Variants in CBLB observed in about 807,000 individuals in gnomAD.
The protein encoded by CBLB is Cbl proto-oncogene B.
Under a neutral mutation model 104.9 loss-of-function variants are expected in CBLB, and 31 were observed. The ratio of observed to expected loss-of-function variants is 0.30; its 90% confidence interval spans 0.22 to 0.40. CBLB has a LOEUF of 0.40. Ranked by LOEUF, CBLB falls within the 10% of genes least tolerant of loss-of-function variation. CBLB has a pLI of 1.00. For synonymous variants in CBLB, 440 were observed against 422.6 expected (o/e 1.04, Z -0.51); for missense variants, 1,062 against 1,214.6 (o/e 0.87, Z 1.87).
chr3:105,662,343 A>G (rs2063869493), intron 18 of CBLB, among the ~76,000 whole-genome samples: 2 of 152,324 alleles, frequency 1.3e-5, no homozygotes, highest in South Asian at 4.1e-4. Flanking sequence ...TAAGATTATT[A>G]TATTGCAGTT....
At chr3:105,780,969 CATTTTAAAATACCAAAT>C (rs999262502) in intron 3 of CBLB, among the ~76,000 whole-genome samples, 1 of 151,914 alleles carries the variant, frequency 6.6e-6, no homozygotes, top group African/African-American at 2.4e-5. Context: ...CCAATAAAAG[CATTTTAAAATACCAAAT>C]ATTTTAAAAT....
intron 4 of CBLB, among the ~76,000 whole-genome samples, chr3:105,766,082 T>C (rs1192025369): frequency 6.6e-6 from 1 of 152,142 alleles, no homozygotes; most frequent in Admixed American, 6.6e-5. Flanking sequence ...ATTCCAAATC[T>C]CATGGATGAC....
chr3:105,841,460 A>G (rs2089533466), intron 3 of CBLB, among the ~76,000 whole-genome samples: 1 of 151,620 alleles, frequency 6.6e-6, no homozygotes. Context: ...CAAGATATAT[A>G]TATATTTTTT....
intron 10 of CBLB, among the ~76,000 whole-genome samples, chr3:105,716,548 T>C (rs901698326): frequency 6.6e-6 from 1 of 152,202 alleles, no homozygotes; most frequent in Admixed American, 6.5e-5. Context: ...ATTATGCTTG[T>C]ATCTATATAA....
intron 3 of CBLB, among the ~76,000 whole-genome samples, chr3:105,851,256 T>C (rs2090908506): frequency 6.6e-6 from 1 of 152,070 alleles, no homozygotes; most frequent in South Asian, 2.1e-4. Context: ...AAAATGCAAA[T>C]TGTTAGGTGA....
chr3:105,797,854 C>T (rs1033093929), intron 3 of CBLB, among the ~76,000 whole-genome samples: 1 of 152,164 alleles, frequency 6.6e-6, no homozygotes, highest in African/African-American at 2.4e-5. Flanking sequence ...TTCTGCCCAT[C>T]AAAGTAGAAA....
At position 105,829,324 on chromosome 3, in the gene CBLB, T is replaced by C. The variant is rs190637952; in HGVS notation, c.419+24090A>G. Among the ~76,000 whole-genome samples the C allele has an allele frequency of 2.0e-3, 303 of 152,222 alleles. 2 individuals carry two copies. Among genetic ancestry groups the C allele is most frequent in the African/African-American group, 7.1e-3 (294 of 41,540 alleles). On this transcript the variant is annotated intron_variant, in intron 3 of 18. Coordinates refer to ENST00000394030, the MANE Select transcript of CBLB (RefSeq NM_170662.5). Reference sequence around the variant, plus strand: ...CTGTTTGTCTTTCCATAAAGATGTTTTGTCACAGTAAAGGCAAGAAGATCA... The same window carrying C: ...CTGTTTGTCTTTCCATAAAGATGTTCTGTCACAGTAAAGGCAAGAAGATCA...
intron 17 of CBLB, among the ~76,000 whole-genome samples, chr3:105,677,841 T>C (rs2065845326): frequency 1.3e-5 from 2 of 149,690 alleles, no homozygotes; most frequent in Non-Finnish European, 3.0e-5. Context: ...AATAATAATA[T>C]TAAATAGTTA....
chr3:105,712,031 T>C (rs922411436), intron 10 of CBLB, among the ~76,000 whole-genome samples: 2 of 152,124 alleles, frequency 1.3e-5, no homozygotes, highest in African/African-American at 2.4e-5. Context: ...TAGTGCAGTC[T>C]CACACTTGGG....
intron 6 of CBLB, among the ~76,000 whole-genome samples, chr3:105,745,297 A>T (rs1189301363): frequency 1.3e-5 from 2 of 152,216 alleles, no homozygotes; most frequent in Non-Finnish European, 2.9e-5. Flanking sequence ...AATAAGGTGT[A>T]ATTTCTTGGC....
intron 9 of CBLB, among the ~76,000 whole-genome samples, chr3:105,722,336 AT>A (rs1360905741): frequency 6.6e-6 from 1 of 152,182 alleles, no homozygotes; most frequent in African/African-American, 2.4e-5. Context: ...ATTTAAAAAA[AT>A]TATTATAGAA....
At chr3:105,834,631 G>C (rs369335720) in intron 3 of CBLB, among the ~76,000 whole-genome samples, 2 of 149,370 alleles carry the variant, frequency 1.3e-5, no homozygotes, top group East Asian at 4.0e-4. Flanking sequence ...ACTCCAGCCT[G>C]AGCGACAGAG....
At chr3:105,771,238 T>C (rs1233511107) in intron 4 of CBLB, among the ~76,000 whole-genome samples, 1 of 152,072 alleles carries the variant, frequency 6.6e-6, no homozygotes, top group Admixed American at 6.6e-5. Flanking sequence ...GTTTAACATA[T>C]GTAAGTTAAT....
chr3:105,771,691 G>A (rs1038219536), intron 4 of CBLB, among the ~76,000 whole-genome samples: 3 of 152,050 alleles, frequency 2.0e-5, no homozygotes, highest in Admixed American at 6.6e-5. Flanking sequence ...TAAAGTCTCT[G>A]GACACAAAAT....
rs1035655845 is a variant in CBLB, at chr3:105,677,343, A to T, written c.2569+1088T>A. On this transcript the variant is annotated intron_variant, in intron 17 of 18. Transcript: ENST00000394030. ...TCTCTTCAAACTTTCTAAACTATCA[A>T]ACCAAGTAAAAAAAAAAAAAAAAAA... is the stretch of plus-strand genomic sequence containing the variant. Among the ~76,000 whole-genome samples, 5 of 145,558 alleles carry T rather than the reference A, an allele frequency of 3.4e-5. No individual in the cohort carries two copies. The East Asian group carries it at 1.1e-3, about 33-fold the overall frequency.
At chr3:105,745,472 T>C (rs1006706571) in intron 6 of CBLB, among the ~76,000 whole-genome samples, 4 of 152,242 alleles carry the variant, frequency 2.6e-5, no homozygotes, top group Admixed American at 1.3e-4. Context: ...TATATGCTTA[T>C]GTACATACAT....
chr3:105,830,564 C>T (rs952680072), intron 3 of CBLB, among the ~76,000 whole-genome samples: 3 of 152,096 alleles, frequency 2.0e-5, no homozygotes, highest in African/African-American at 7.2e-5. Context: ...TCTTAAAAGA[C>T]CAATTTCTGT....
At chr3:105,736,115 C>A (rs1274466657) in intron 8 of CBLB, among the ~76,000 whole-genome samples, 4 of 152,074 alleles carry the variant, frequency 2.6e-5, no homozygotes, top group Non-Finnish European at 4.4e-5. Flanking sequence ...TAATTCTTCT[C>A]TTGTTTTTTC....
At chr3:105,770,017 G>C (rs191292774) in intron 4 of CBLB, among the ~76,000 whole-genome samples, 2 of 151,900 alleles carry the variant, frequency 1.3e-5, no homozygotes, top group Admixed American at 1.3e-4. Flanking sequence ...GTTAGAATCT[G>C]TGTTTCTAAT....
Sources: gnomAD v4.1 joint callset for allele counts (sites outside exome capture counted in the v4.1 genomes callset) on GRCh38, gnomAD v4.1.1 for gene constraint, MANE v1.5 for transcripts, NCBI Gene and HGNC (gene_info 2026-07-23, HGNC 2026-07-21) for gene names.